LY86: variants seen among roughly 807,000 people sequenced by gnomAD.
LY86 encodes the protein MD-1, RP105-associated.
LY86 carries 20 observed loss-of-function variants against 17.3 expected under a neutral mutation model. The observed-to-expected ratio is 1.15, with a 90% CI of 0.81 to 1.68. The LOEUF (loss-of-function observed/expected upper bound fraction) is 1.68. Ranked by LOEUF, LY86 falls within the 40% of genes most tolerant of loss-of-function variation. The probability of loss-of-function intolerance (pLI) is 0.00; values close to 1 mark genes in which losing one functional copy is unlikely to be tolerated. For missense variants in LY86, 200 were observed against 191.9 expected, an observed-to-expected ratio of 1.04 and a Z score of -0.25; for synonymous variants, 74 against 70.6, an observed-to-expected ratio of 1.05 and a Z score of -0.24.
intron 3 of LY86, among the ~76,000 whole-genome samples, chr6:6,643,547 G>A (rs1398324629): frequency 1.3e-5 from 2 of 152,238 alleles, no homozygotes; most frequent in African/African-American, 4.8e-5. Context: ...GTGCAAACTT[G>A]CAGTTAGAGG....
At chr6:6,605,576 G>A (rs1488770927) in intron 1 of LY86, among the ~76,000 whole-genome samples, 2 of 152,370 alleles carry the variant, frequency 1.3e-5, no homozygotes, top group East Asian at 1.9e-4. Context: ...GGGAGAAAGC[G>A]CATGACAGCT....
chr6:6,589,017 G>A, intron 1 of LY86, 147 bp downstream of exon 1: 1 of 1,049,642 alleles, frequency 9.5e-7, no homozygotes, highest in Non-Finnish European at 1.3e-6. Context: ...GTCTGGGAGG[G>A]CCACTGGGAG....
chr6:6,597,182 G>A (rs1581230342), intron 1 of LY86, among the ~76,000 whole-genome samples: 1 of 152,210 alleles, frequency 6.6e-6, no homozygotes, highest in South Asian at 2.1e-4. Context: ...AGGAGGGGGA[G>A]TGTGAAGACC....
chr6:6,608,465 T>C (rs527361513), intron 1 of LY86, among the ~76,000 whole-genome samples: 1 of 152,366 alleles, frequency 6.6e-6, no homozygotes, highest in South Asian at 2.1e-4. Flanking sequence ...TGTTTCCACT[T>C]TTTTGCAATT....
chr6:6,601,259 C>G (rs1255822207), intron 1 of LY86, among the ~76,000 whole-genome samples: 1 of 152,132 alleles, frequency 6.6e-6, no homozygotes, highest in Non-Finnish European at 1.5e-5. Context: ...GGTAGGAGAA[C>G]AGGCAACGGA....
chr6:6,649,482 A>AC, intron 3 of LY86, 143 bp from the exon 4 acceptor site: 1 of 427,436 alleles, frequency 2.3e-6, no homozygotes, highest in African/African-American at 2.4e-5. Flanking sequence ...GGTGTAGATC[A>AC]GGAAATGAAA....
At chr6:6,652,508 C>T (rs1256579645) in intron 4 of LY86, among the ~76,000 whole-genome samples, 4 of 152,210 alleles carry the variant, frequency 2.6e-5, no homozygotes, top group African/African-American at 9.6e-5. Flanking sequence ...AACCCCTTGG[C>T]CCGGATTGAA....
intron 1 of LY86, among the ~76,000 whole-genome samples, chr6:6,622,095 T>C (rs1401796254): frequency 1.3e-5 from 2 of 152,192 alleles, no homozygotes; most frequent in Non-Finnish European, 2.9e-5. Context: ...TAAGCGCTTT[T>C]TAAGCAATCT....
chr6:6,595,732 C>CT (rs1491361102), intron 1 of LY86, among the ~76,000 whole-genome samples: 8 of 152,148 alleles, frequency 5.3e-5, no homozygotes, highest in Non-Finnish European at 1.0e-4. Context: ...TGTAGGGCCA[C>CT]TCTCTTATCA....
At chr6:6,652,709 T>C (rs955494518) in intron 4 of LY86, among the ~76,000 whole-genome samples, 1 of 152,184 alleles carries the variant, frequency 6.6e-6, no homozygotes, top group African/African-American at 2.4e-5. Context: ...CTGCACTCAG[T>C]CCTTCCCTAC....
intron 3 of LY86, among the ~76,000 whole-genome samples, chr6:6,647,135 G>A (rs927113588): frequency 7.3e-5 from 11 of 151,568 alleles, no homozygotes; most frequent in Admixed American, 6.6e-5. Flanking sequence ...ATCTACAAAC[G>A]TATCTACACC....
chr6:6,614,347 G>A (rs968234990), intron 1 of LY86, among the ~76,000 whole-genome samples: 1 of 151,392 alleles, frequency 6.6e-6, no homozygotes, highest in Non-Finnish European at 1.5e-5. Flanking sequence ...CTTCATTGAC[G>A]CCAAATGTCT....
At chr6:6,649,053 A>G (rs937616295) in intron 3 of LY86, among the ~76,000 whole-genome samples, 1 of 152,236 alleles carries the variant, frequency 6.6e-6, no homozygotes, top group Non-Finnish European at 1.5e-5. Context: ...ATAAAGAAAA[A>G]GAGGTTTAAC....
At chr6:6,604,580 T>C (rs1470804550) in intron 1 of LY86, among the ~76,000 whole-genome samples, 1 of 152,020 alleles carries the variant, frequency 6.6e-6, no homozygotes, top group Non-Finnish European at 1.5e-5. Context: ...GCTACAGCTA[T>C]AGAAGAAAAT....
At chr6:6,625,332 G>C (rs1212585012) in intron 2 of LY86, among the ~76,000 whole-genome samples, 1 of 152,128 alleles carries the variant, frequency 6.6e-6, no homozygotes, top group Non-Finnish European at 1.5e-5. Context: ...TGTCTACTCA[G>C]GATCTCCTAA....
chr6:6,594,724 G>A (rs1760646086), intron 1 of LY86, among the ~76,000 whole-genome samples: 1 of 152,106 alleles, frequency 6.6e-6, no homozygotes, highest in African/African-American at 2.4e-5. Flanking sequence ...AATCATCATT[G>A]TCATAATAAC....
intron 3 of LY86, among the ~76,000 whole-genome samples, chr6:6,640,566 T>A (rs990844700): frequency 2.0e-5 from 3 of 151,728 alleles, no homozygotes; most frequent in African/African-American, 7.3e-5. Context: ...AAAAAATTTT[T>A]AAAAATTAGC....
chr6:6,599,275 C>T (rs989051519), intron 1 of LY86, among the ~76,000 whole-genome samples: 2 of 152,192 alleles, frequency 1.3e-5, no homozygotes, highest in African/African-American at 2.4e-5. Context: ...GAGATGAGGT[C>T]TTCAGGAGCT....
chr6:6,618,163 A>G (rs974054056), intron 1 of LY86, among the ~76,000 whole-genome samples: 13 of 152,214 alleles, frequency 8.5e-5, no homozygotes, highest in African/African-American at 3.1e-4. Flanking sequence ...ATCTACTCCT[A>G]AGATGCAAAG....
Sources: allele counts gnomAD v4.1 joint callset (sites outside exome capture counted in the v4.1 genomes callset), GRCh38; gene constraint gnomAD v4.1.1; transcripts MANE v1.5; gene names NCBI Gene and HGNC (gene_info 2026-07-23, HGNC 2026-07-21).